The following LARGE1 variants were observed in gnomAD, a reference collection of about 807,000 sequenced individuals.
The protein encoded by LARGE1 is xylosyl- and glucuronyltransferase LARGE1.
A neutral mutation model predicts 87.6 loss-of-function variants in LARGE1; 43 were observed. That is an observed-to-expected ratio of 0.49 (90% confidence interval 0.38 to 0.63). LARGE1 has a LOEUF of 0.63. Among genes scored for constraint, LARGE1 ranks in the 30% least tolerant of loss-of-function variants. The pLI is 0.00. For synonymous variants in LARGE1, 434 were observed against 394.6 expected (o/e 1.10, Z -1.18); for missense variants, 802 against 1,000.2 (o/e 0.80, Z 2.67).
intron 1 of LARGE1, among the ~76,000 whole-genome samples, chr22:33,810,241 C>T (rs1487478754): frequency 2.0e-5 from 3 of 152,164 alleles, no homozygotes; most frequent in African/African-American, 7.2e-5. Context: ...AGAGAGTTTA[C>T]ACTGACCAAG....
intron 2 of LARGE1, among the ~76,000 whole-genome samples, chr22:33,711,809 G>A (rs2082738146): frequency 6.6e-6 from 1 of 152,042 alleles, no homozygotes; most frequent in Non-Finnish European, 1.5e-5. Flanking sequence ...ACTATGCTTG[G>A]CTAATTTTTA....
At chr22:33,309,125 G>A (rs903759648) in intron 11 of LARGE1, among the ~76,000 whole-genome samples, 2 of 151,816 alleles carry the variant, frequency 1.3e-5, no homozygotes, top group African/African-American at 2.4e-5. Context: ...TGATTGGGGG[G>A]TGATTAGGTC....
At chr22:33,356,455 G>C (rs1420299061) in intron 9 of LARGE1, among the ~76,000 whole-genome samples, 1 of 152,180 alleles carries the variant, frequency 6.6e-6, no homozygotes, top group Non-Finnish European at 1.5e-5. Flanking sequence ...TAACCTTTGT[G>C]TGTCTCTATT....
At chr22:33,067,245 G>T in the LARGE1 span, among the ~76,000 whole-genome samples, 1 of 152,084 alleles carries the variant, frequency 6.6e-6, no homozygotes, top group South Asian at 2.1e-4. Context: ...GAACTGCTTG[G>T]TCTATAAAAT....
chr22:33,110,099 G>A, the LARGE1 span, among the ~76,000 whole-genome samples: 2 of 152,172 alleles, frequency 1.3e-5, no homozygotes, highest in African/African-American at 4.8e-5. Flanking sequence ...CTCAGATACT[G>A]TCCACCACCA....
At chr22:33,071,469 TA>T in the LARGE1 span, among the ~76,000 whole-genome samples, 2 of 152,154 alleles carry the variant, frequency 1.3e-5, no homozygotes, top group African/African-American at 4.8e-5. Flanking sequence ...ATTTTTGTTG[TA>T]GGGGGCACAT....
chr22:33,822,555 C>T (rs1247239852), intron 1 of LARGE1, among the ~76,000 whole-genome samples: 3 of 151,888 alleles, frequency 2.0e-5, no homozygotes, highest in Admixed American at 6.6e-5. Flanking sequence ...AACCATTAGC[C>T]GGGGTGGTGG....
intron 11 of LARGE1, among the ~76,000 whole-genome samples, chr22:33,266,359 C>A (rs554244174): frequency 6.6e-6 from 1 of 150,724 alleles, no homozygotes; most frequent in South Asian, 2.1e-4. Context: ...GTAGCTGGGA[C>A]TACAGGCACT....
chr22:33,329,097 G>A (rs929167762), intron 10 of LARGE1, among the ~76,000 whole-genome samples: 3 of 152,150 alleles, frequency 2.0e-5, no homozygotes, highest in Non-Finnish European at 2.9e-5. Flanking sequence ...AATACCTATC[G>A]TAGGGATACC....
At chr22:33,150,638 T>C in the LARGE1 span, among the ~76,000 whole-genome samples, 1 of 152,226 alleles carries the variant, frequency 6.6e-6, no homozygotes, top group Admixed American at 6.5e-5. Context: ...AGTGTGAGAC[T>C]TAGGTTAAGG....
chr22:33,115,051 G>A, the LARGE1 span, among the ~76,000 whole-genome samples: 1 of 152,088 alleles, frequency 6.6e-6, no homozygotes, highest in Non-Finnish European at 1.5e-5. Context: ...ACCTAGTTCA[G>A]AACTGAGGGA....
At chr22:33,102,417 C>A in the LARGE1 span, among the ~76,000 whole-genome samples, 1 of 152,024 alleles carries the variant, frequency 6.6e-6, no homozygotes, top group South Asian at 2.1e-4. Flanking sequence ...GTGACCTGCT[C>A]ACCTCGGCCT....
chr22:33,510,956 T>C (rs1348617212), intron 6 of LARGE1, among the ~76,000 whole-genome samples: 2 of 152,218 alleles, frequency 1.3e-5, no homozygotes, highest in Non-Finnish European at 2.9e-5. Context: ...AAATGGTCCC[T>C]GTTCTTGAGA....
the LARGE1 span, among the ~76,000 whole-genome samples, chr22:33,126,472 A>C: frequency 6.6e-6 from 1 of 152,076 alleles, no homozygotes; most frequent in Non-Finnish European, 1.5e-5. Context: ...GTGCATTGCT[A>C]TTTTGCTTTG....
intron 7 of LARGE1, among the ~76,000 whole-genome samples, chr22:33,399,333 G>T (rs780578643): frequency 3.3e-5 from 5 of 152,132 alleles, no homozygotes; most frequent in Non-Finnish European, 5.9e-5. Context: ...TTTTATGGCT[G>T]CATAGTATTC....
At chr22:33,718,634 C>T (rs1315191542) in intron 2 of LARGE1, among the ~76,000 whole-genome samples, 1 of 152,216 alleles carries the variant, frequency 6.6e-6, no homozygotes, top group Non-Finnish European at 1.5e-5. Flanking sequence ...GGTGAGGTGC[C>T]TTCCCTATCC....
chr22:33,772,960 C>T (rs946895066), intron 1 of LARGE1, among the ~76,000 whole-genome samples: 2 of 152,212 alleles, frequency 1.3e-5, no homozygotes, highest in Admixed American at 1.3e-4. Context: ...CAGCAACTAG[C>T]TGTCTGACTG....
intron 1 of LARGE1, among the ~76,000 whole-genome samples, chr22:33,892,783 G>A (rs145769097): frequency 5.3e-5 from 8 of 152,344 alleles, no homozygotes; most frequent in African/African-American, 1.2e-4. Context: ...GTACTTCAGC[G>A]GAAGAGGCAG....
intron 3 of LARGE1, among the ~76,000 whole-genome samples, chr22:33,646,751 G>A (rs572454170): frequency 4.6e-5 from 7 of 152,004 alleles, no homozygotes; most frequent in African/African-American, 7.3e-5. Flanking sequence ...TTTTTGAGAC[G>A]GAGTCTCGCT....
Sources: gnomAD v4.1 joint callset for allele counts (sites outside exome capture counted in the v4.1 genomes callset) on GRCh38, gnomAD v4.1.1 for gene constraint, MANE v1.5 for transcripts, NCBI Gene and HGNC (gene_info 2026-07-23, HGNC 2026-07-21) for gene names.